ITPK1: variants seen among roughly 807,000 people sequenced by gnomAD.
ITPK1 encodes inositol 1,3,4-trisphosphate 5/6-kinase.
ITPK1 carries 21 observed loss-of-function variants against 45.3 expected under a neutral mutation model. That is an observed-to-expected ratio of 0.46 (90% confidence interval 0.33 to 0.67). The LOEUF (loss-of-function observed/expected upper bound fraction) is 0.67. Among genes scored for constraint, ITPK1 ranks in the 30% least tolerant of loss-of-function variants. ITPK1 has a pLI of 0.02. For missense variants in ITPK1, 474 were observed against 573.5 expected, an observed-to-expected ratio of 0.83 and a Z score of 1.77; for synonymous variants, 258 against 253.6, an observed-to-expected ratio of 1.02 and a Z score of -0.16.
At chr14:92,961,858 A>T (rs1428797401) in intron 7 of ITPK1, among the ~76,000 whole-genome samples, 1 of 152,184 alleles carries the variant, frequency 6.6e-6, no homozygotes, top group Non-Finnish European at 1.5e-5. Context: ...AAGAAATCAG[A>T]GAGCTTGCTC....
intron 5 of ITPK1, 57 bp downstream of exon 5, chr14:92,993,823 C>T: frequency 8.5e-7 from 1 of 1,169,644 alleles, no homozygotes; most frequent in African/African-American, 1.5e-5. Context: ...GCCGTGGCCA[C>T]TTTGTGACCA....
intron 5 of ITPK1, among the ~76,000 whole-genome samples, chr14:92,985,051 G>A (rs1206933708): frequency 6.6e-6 from 1 of 152,084 alleles, no homozygotes; most frequent in Non-Finnish European, 1.5e-5. Context: ...CTGATATGAC[G>A]CACTAGGGAG....
chr14:93,018,968 G>A (rs144217452), intron 3 of ITPK1, among the ~76,000 whole-genome samples: 1 of 152,332 alleles, frequency 6.6e-6, no homozygotes, highest in Non-Finnish European at 1.5e-5. Flanking sequence ...AACTGCAAGA[G>A]CTTTGATGGC....
chr14:93,101,907 G>A (rs1267412339), intron 2 of ITPK1, among the ~76,000 whole-genome samples: 1 of 152,122 alleles, frequency 6.6e-6, no homozygotes, highest in Non-Finnish European at 1.5e-5. Context: ...CTCCACATAC[G>A]GACTGACAGC....
intron 5 of ITPK1, 152 bp downstream of exon 5, chr14:92,993,728 C>T: frequency 1.6e-6 from 1 of 610,072 alleles, no homozygotes; most frequent in Non-Finnish European, 3.0e-6. Flanking sequence ...AAAGGACCTC[C>T]CCAGAATGAC....
At chr14:93,015,296 G>C (rs1888120226) in intron 4 of ITPK1, among the ~76,000 whole-genome samples, 1 of 152,204 alleles carries the variant, frequency 6.6e-6, no homozygotes, top group South Asian at 2.1e-4. Context: ...AGGCTGGTGA[G>C]TCTGCACTGA....
chr14:92,958,444 C>A lies in ITPK1; in HGVS notation c.505-78G>T. 1 of 1,385,608 alleles carries A rather than the reference C, an allele frequency of 7.2e-7. No homozygotes were observed. Among genetic ancestry groups the A allele is most frequent in the South Asian group, 1.2e-5 (1 of 80,594 alleles). The allele number at this position is 1,385,608 out of a possible 1,614,324, so 85.8% of individuals were successfully genotyped here. A position where few individuals can be genotyped will look rare whatever the true frequency, so the allele number is the denominator to read the frequency against. Reference sequence around the variant, plus strand: ...TCCAACACACAGGTGTGTCACCTGTCCAGAGCACCTCCACCAAGGCCCATC... The same window carrying A: ...TCCAACACACAGGTGTGTCACCTGTACAGAGCACCTCCACCAAGGCCCATC... On this transcript the variant is annotated intron_variant, in intron 7 of 10. Coordinates refer to ENST00000267615, the MANE Select transcript of ITPK1 (RefSeq NM_014216.6). The surrounding 1 kb of genome is among the most constrained non-coding windows in gnomAD (Gnocchi z 4.4).
At chr14:93,058,773 A>G (rs1246317089) in intron 3 of ITPK1, among the ~76,000 whole-genome samples, 1 of 3,736 alleles carries the variant, frequency 2.7e-4, no homozygotes. Context: ...GTTACGAGGG[A>G]GGGTGGAGGG....
intron 7 of ITPK1, among the ~76,000 whole-genome samples, chr14:92,960,732 G>A (rs758396298): frequency 6.6e-6 from 1 of 152,240 alleles, no homozygotes; most frequent in Non-Finnish European, 1.5e-5. Context: ...GTGGTTAAAG[G>A]GGCTGGTGGA....
intron 3 of ITPK1, among the ~76,000 whole-genome samples, chr14:93,052,575 A>G (rs1223628490): frequency 2.6e-5 from 4 of 152,146 alleles, no homozygotes; most frequent in African/African-American, 7.2e-5. Context: ...CCAGTGGGGT[A>G]GGGGGACGGG....
chr14:92,995,515 G>A (rs542045648), intron 4 of ITPK1, among the ~76,000 whole-genome samples: 65 of 152,240 alleles, frequency 4.3e-4, no homozygotes, highest in Middle Eastern at 3.4e-3. Flanking sequence ...CTTGGATTTC[G>A]CGGCAGAGTA....
rs192124087 is a variant in ITPK1, at chr14:92,941,638, C to T, written c.1168G>A (p.Gly390Ser). Residue 390 changes from glycine to serine, a missense_variant, in exon 11 of 11, where the codon GGC becomes AGC. Around this residue, in one of 2 missense-constraint regions of ITPK1, gnomAD observed 107 missense variants for 92.9 expected, o/e 1.15. Transcript: ENST00000267615. Reference protein sequence around the residue: ...GTAKLPHQRLGCNAGVSPSFQ... With the variant: ...GTAKLPHQRLSCNAGVSPSFQ... The stretch of plus-strand genomic sequence containing the variant: ...CTGGGCGACACGCCGGCGTTGCAGC[C>T]GAGTCTCTGGTGCGGCAGCTTGGCG... The T allele has an allele frequency of 2.2e-4, 340 of 1,540,284 alleles. No homozygotes were observed. The African/African-American group carries it at 2.5e-3, about 11-fold the overall frequency.
At chr14:93,079,416 G>A (rs1280143389) in intron 2 of ITPK1, among the ~76,000 whole-genome samples, 1 of 152,252 alleles carries the variant, frequency 6.6e-6, no homozygotes, top group East Asian at 1.9e-4. Context: ...TACCTGCAGA[G>A]CAGGCCGAGG....
intron 2 of ITPK1, among the ~76,000 whole-genome samples, chr14:93,083,434 G>A (rs1891522108): frequency 6.6e-6 from 1 of 152,184 alleles, no homozygotes; most frequent in African/African-American, 2.4e-5. Flanking sequence ...AGCAAGTGAA[G>A]TACATGAAAT....
chr14:92,966,783 A>G (rs1290448924), intron 5 of ITPK1, among the ~76,000 whole-genome samples: 2 of 152,268 alleles, frequency 1.3e-5, no homozygotes, highest in African/African-American at 4.8e-5. Flanking sequence ...TCTGGAAATA[A>G]ACTTGTGCAT....
At chr14:93,085,238 G>A (rs1566777511) in intron 2 of ITPK1, among the ~76,000 whole-genome samples, 1 of 152,244 alleles carries the variant, frequency 6.6e-6, no homozygotes, top group Admixed American at 6.5e-5. Context: ...CATTTGAATT[G>A]TCTGGACAGC....
intron 2 of ITPK1, among the ~76,000 whole-genome samples, chr14:93,095,757 C>T (rs1892052892): frequency 6.6e-6 from 1 of 151,738 alleles, no homozygotes; most frequent in South Asian, 2.1e-4. Flanking sequence ...CCCATTTCCC[C>T]CTCTAGTAGT....
chr14:93,049,487 G>T (rs1889916145), intron 3 of ITPK1, among the ~76,000 whole-genome samples: 1 of 152,196 alleles, frequency 6.6e-6, no homozygotes, highest in South Asian at 2.1e-4. Context: ...ATGGCAGGGG[G>T]TGAGGCTGCC....
At chr14:92,973,560 G>A (rs990846024) in intron 5 of ITPK1, among the ~76,000 whole-genome samples, 5 of 152,260 alleles carry the variant, frequency 3.3e-5, no homozygotes, top group African/African-American at 9.6e-5. Context: ...TGGTTATGCA[G>A]TTAAGGGGCG....
Sources: allele counts gnomAD v4.1 joint callset (sites outside exome capture counted in the v4.1 genomes callset), GRCh38; gene constraint gnomAD v4.1.1; regional missense constraint gnomAD v4.1.1; non-coding constraint Gnocchi (gnomAD v3.1); transcripts MANE v1.5; gene names NCBI Gene and HGNC (gene_info 2026-07-23, HGNC 2026-07-21).